ZNF69: variants seen among roughly 807,000 people sequenced by gnomAD.
ZNF69 encodes ZNF3.
A neutral mutation model predicts 50.9 loss-of-function variants in ZNF69; 47 were observed. The ratio of observed to expected loss-of-function variants is 0.92; its 90% CI spans 0.73 to 1.18. The LOEUF (loss-of-function observed/expected upper bound fraction) is 1.18. Among genes scored for constraint, ZNF69 ranks in the 50% most tolerant of loss-of-function variants. The probability of loss-of-function intolerance (pLI) is 0.00; values close to 1 mark genes in which losing one functional copy is unlikely to be tolerated. For synonymous variants in ZNF69, 216 were observed against 223.1 expected (o/e 0.97, Z 0.29); for missense variants, 717 against 675.1 (o/e 1.06, Z -0.69).
chr19:11,972,185 T>C, the ZNF69 span, among the ~76,000 whole-genome samples: 2 of 151,918 alleles, frequency 1.3e-5, no homozygotes, highest in Non-Finnish European at 2.9e-5. Context: ...CTCAGGAGGC[T>C]GAGGTAGAAG....
At chr19:11,976,542 C>A in the ZNF69 span, among the ~76,000 whole-genome samples, 1 of 108,054 alleles carries the variant, frequency 9.3e-6, no homozygotes, top group Non-Finnish European at 1.8e-5. Context: ...GGCAGCAGAA[C>A]AAGACTCTGT....
chr19:11,904,938 A>C lies in ZNF69; in HGVS notation c.541A>C (p.Thr181Pro), dbSNP rs1431910628. Residue 181 changes from threonine (T) to proline (P), a missense_variant, in exon 4 of 4, where the codon ACA becomes CCA. By Grantham distance (38) the Thr-to-Pro change is conservative. Transcript: ENST00000429654. ...CTTCAGATATCACCCCTCCTTTAGA[A>C]CACCACAAAGGGATCACACTGGAGA... ...KAFRYHPSFR[T>P]PQRDHTGEKP... 3.1e-6 allele frequency: 5 copies of C among 1,614,196 alleles called. No individual in the cohort carries two copies. In the South Asian group the frequency reaches 5.5e-5, roughly 18 times the overall value.
At chr19:11,955,067 C>G in the ZNF69 span, among the ~76,000 whole-genome samples, 1 of 139,262 alleles carries the variant, frequency 7.2e-6, no homozygotes, top group Non-Finnish European at 1.5e-5. Context: ...TGCAATGGCT[C>G]AATCTTGGCT....
At chr19:11,969,349 T>G in the ZNF69 span, among the ~76,000 whole-genome samples, 1 of 152,176 alleles carries the variant, frequency 6.6e-6, no homozygotes, top group African/African-American at 2.4e-5. Context: ...AAGTGGTCCA[T>G]CCACCTTGGC....
At chr19:11,938,174 T>C in the ZNF69 span, among the ~76,000 whole-genome samples, 1 of 152,082 alleles carries the variant, frequency 6.6e-6, no homozygotes, top group Non-Finnish European at 1.5e-5. Context: ...GTTCAAATGA[T>C]TCTCCTGCCT....
chr19:11,888,025 G>A, intron 1 of ZNF69, 39 bp downstream of exon 1: 2 of 1,601,184 alleles, frequency 1.2e-6, no homozygotes, highest in African/African-American at 2.7e-5. Context: ...ACGGGGGAGG[G>A]GCTGCCTGGA....
At chr19:11,964,229 G>T in the ZNF69 span, among the ~76,000 whole-genome samples, 11 of 152,212 alleles carry the variant, frequency 7.2e-5, no homozygotes, top group Admixed American at 3.3e-4. Context: ...CCGAGAAGCT[G>T]CAGAGCCCTG....
the ZNF69 span, chr19:11,979,460 A>G: frequency 6.2e-7 from 1 of 1,606,208 alleles, no homozygotes; most frequent in Non-Finnish European, 8.5e-7. Context: ...AAGACCTTAT[A>G]AATGTAAGAC....
chr19:11,925,154 A>C, the ZNF69 span: 3 of 1,601,494 alleles, frequency 1.9e-6, no homozygotes, highest in Non-Finnish European at 1.7e-6. Context: ...CGGTCAGACC[A>C]GCCCGAGAGG....
At chr19:11,903,163 G>A (rs1328236298) in intron 1 of ZNF69, among the ~76,000 whole-genome samples, 1 of 152,014 alleles carries the variant, frequency 6.6e-6, no homozygotes, top group Non-Finnish European at 1.5e-5. Context: ...GGCCAGGCCT[G>A]GTGGCTCACG....
chr19:11,955,417 A>T, the ZNF69 span, among the ~76,000 whole-genome samples: 1 of 144,446 alleles, frequency 6.9e-6, no homozygotes, highest in African/African-American at 2.6e-5. Flanking sequence ...TTTTTGAGAC[A>T]AGGTCTGGCT....
the ZNF69 span, among the ~76,000 whole-genome samples, chr19:11,951,736 G>T: frequency 6.6e-6 from 1 of 152,194 alleles, no homozygotes; most frequent in Admixed American, 6.5e-5. Context: ...TTTTGGTCAT[G>T]TTTATGATTT....
chr19:11,892,705 A>G (rs1977125788), intron 1 of ZNF69, among the ~76,000 whole-genome samples: 1 of 152,248 alleles, frequency 6.6e-6, no homozygotes, highest in African/African-American at 2.4e-5. Context: ...GTAAGAAAGA[A>G]GGCGAATCTG....
downstream of ZNF69, among the ~76,000 whole-genome samples, chr19:11,911,658 AC>A (rs1271561496): frequency 2.0e-5 from 3 of 152,038 alleles, no homozygotes; most frequent in Admixed American, 1.3e-4. Flanking sequence ...AACATCACAC[AC>A]CAGGGCCTGT....
At chr19:11,963,088 A>AGAGAGAGAGAGAGAGAGAGAGAGT in the ZNF69 span, among the ~76,000 whole-genome samples, 63 of 138,310 alleles carry the variant, frequency 4.6e-4, no homozygotes, top group African/African-American at 1.8e-3. Flanking sequence ...AGAGAGAGAG[A>AGAGAGAGAGAGAGAGAGAGAGAGT]GTGTGTGTGT....
the ZNF69 span, chr19:11,947,157 C>T: frequency 3.1e-6 from 5 of 1,610,388 alleles, no homozygotes; most frequent in South Asian, 1.1e-5. Context: ...ACCCATCTTC[C>T]TCTACACATG....
chr19:11,960,890 T>A, the ZNF69 span, among the ~76,000 whole-genome samples: 1 of 152,358 alleles, frequency 6.6e-6, no homozygotes, highest in Admixed American at 6.5e-5. Flanking sequence ...CCATCTGCTA[T>A]GTGATAAAGT....
At chr19:11,974,155 T>TTTCTTTCC in the ZNF69 span, among the ~76,000 whole-genome samples, 3 of 115,754 alleles carry the variant, frequency 2.6e-5, no homozygotes, top group East Asian at 2.1e-4. Context: ...TCTTTCTTTC[T>TTTCTTTCC]TTCCTTCCTT....
chr19:11,926,272 G>A, the ZNF69 span, among the ~76,000 whole-genome samples: 1 of 152,172 alleles, frequency 6.6e-6, no homozygotes, highest in Non-Finnish European at 1.5e-5. Flanking sequence ...ACATGAATGT[G>A]TGGGAGAGGG....
Sources: allele counts gnomAD v4.1 joint callset (sites outside exome capture counted in the v4.1 genomes callset), GRCh38; gene constraint gnomAD v4.1.1; transcripts MANE v1.5; gene names NCBI Gene and HGNC (gene_info 2026-07-23, HGNC 2026-07-21).